The following MS4A4A variants were observed in gnomAD, a reference collection of about 807,000 sequenced individuals.
MS4A4A encodes the protein membrane-spanning 4-domains subfamily A member 4A.
MS4A4A carries 26 observed loss-of-function variants against 28.0 expected under a neutral mutation model. The observed-to-expected ratio is 0.93, with a 90% confidence interval of 0.68 to 1.29. The LOEUF (loss-of-function observed/expected upper bound fraction) is 1.29. MS4A4A is among the 50% of genes most tolerant of loss of function. The pLI, the probability that MS4A4A is intolerant of heterozygous loss-of-function variation, is 0.00. For missense variants in MS4A4A, 290 were observed against 293.1 expected (o/e 0.99, Z 0.08); for synonymous variants, 86 against 100.8 (o/e 0.85, Z 0.88).
intron 2 of MS4A4A, among the ~76,000 whole-genome samples, chr11:60,296,359 TCTTAGGCTGGCTAGAGG>T (rs1260132780): frequency 6.6e-6 from 1 of 152,056 alleles, no homozygotes; most frequent in Non-Finnish European, 1.5e-5. Flanking sequence ...TCTCTCTTTT[TCTTAGGCTGGCTAGAGG>T]CTTTTTAAAT....
In MS4A4A at chr11:60,292,401, G is replaced by A. The variant is rs112343102; in HGVS notation, c.201+17G>A. 6.7e-3 allele frequency: 10,648 copies of A among 1,580,168 alleles called. 600 individuals are homozygous for A. The African/African-American group carries it at 0.12, about 19-fold the overall frequency. On this transcript the variant is annotated intron_variant, in intron 2 of 6. Coordinates refer to ENST00000337908, the MANE Select transcript of MS4A4A (RefSeq NM_148975.3). Reference sequence around the variant, plus strand: ...GTCCTTGGGGTAAGTTGCAAATCTAGGGGAAGACCAATGGTGTTGCAAACT... The same window carrying A: ...GTCCTTGGGGTAAGTTGCAAATCTAAGGGAAGACCAATGGTGTTGCAAACT...
At chr11:60,308,033 C>T (rs571260753) in intron 6 of MS4A4A, 74 bp from the exon 7 acceptor site, 1 of 1,284,984 alleles carries the variant, frequency 7.8e-7, no homozygotes, top group East Asian at 2.3e-5. Flanking sequence ...ATAATGATGA[C>T]TTTATGTGGG....
rs1246082734 is a variant in MS4A4A at position 60,292,217 on chromosome 11, T to C, written c.42-8T>C. ...GGACATCATACTAAATTACATTTCTTATTGTAGCACCTTTTCTGCTGCCAT... is the reference window on the plus strand; with the variant it reads ...GGACATCATACTAAATTACATTTCTCATTGTAGCACCTTTTCTGCTGCCAT... On this transcript the variant is annotated splice_polypyrimidine_tract_variant and splice_region_variant and intron_variant, in intron 1 of 6. Coordinates refer to ENST00000337908, the MANE Select transcript of MS4A4A (RefSeq NM_148975.3). The C allele has an allele frequency of 7.8e-6, 12 of 1,531,714 alleles. No homozygotes were observed. Among genetic ancestry groups the C allele is most frequent in the Non-Finnish European group, 1.0e-5 (12 of 1,144,144 alleles). The allele number at this position is 1,531,714 out of a possible 1,614,324, so 94.9% of individuals were successfully genotyped here. A position where few individuals can be genotyped will look rare whatever the true frequency, so the allele number is the denominator to read the frequency against.
intron 5 of MS4A4A, among the ~76,000 whole-genome samples, chr11:60,304,883 C>A (rs948710940): frequency 1.3e-5 from 2 of 152,218 alleles, no homozygotes; most frequent in Non-Finnish European, 2.9e-5. Flanking sequence ...GCTGCTCTAT[C>A]TTCTGTGCCT....
At chr11:60,281,610 T>C (rs975640287) in intron 1 of MS4A4A, among the ~76,000 whole-genome samples, 10 of 152,212 alleles carry the variant, frequency 6.6e-5, no homozygotes, top group African/African-American at 2.4e-4. Context: ...ATTTGACAAC[T>C]TTGCCAAGAA....
chr11:60,283,566 A>G (rs1055557369), intron 1 of MS4A4A, among the ~76,000 whole-genome samples: 1 of 152,128 alleles, frequency 6.6e-6, no homozygotes, highest in African/African-American at 2.4e-5. Flanking sequence ...TTGAAAGGGA[A>G]ATTTTGAGGA....
intron 5 of MS4A4A, among the ~76,000 whole-genome samples, chr11:60,304,739 T>C (rs1856443440): frequency 6.6e-6 from 1 of 152,240 alleles, no homozygotes; most frequent in Non-Finnish European, 1.5e-5. Context: ...GGTTTGAGTA[T>C]GTGTGACAGA....
Position 60,299,622 on chromosome 11 carries a change from G to A in MS4A4A, c.331-1379G>A, listed in dbSNP as rs113811729. 8.1e-3 allele frequency among the ~76,000 whole-genome samples: 1,228 copies of A among 151,808 alleles called. 16 individuals are homozygous for A. The highest frequency in any genetic ancestry group is 0.027 in the African/African-American group (1,137 of 41,396). On this transcript the variant is annotated intron_variant, in intron 3 of 6. Transcript: ENST00000337908. ...CAAGTAGCTGGAACTACAGGCACCC[G>A]CCACCACACCCGGCTAATTTTTTTG...
At chr11:60,292,674 A>AC (rs557615025) in intron 2 of MS4A4A, among the ~76,000 whole-genome samples, 50 of 152,272 alleles carry the variant, frequency 3.3e-4, no homozygotes, top group African/African-American at 1.2e-3. Context: ...ATAAAAGGCC[A>AC]CCTATGCACT....
chr11:60,300,209 T>C (rs370927337), intron 3 of MS4A4A, among the ~76,000 whole-genome samples: 2 of 152,234 alleles, frequency 1.3e-5, no homozygotes, highest in East Asian at 3.8e-4. Context: ...ACTTGACTAG[T>C]TATTTTAGCT....
chr11:60,299,982 G>A (rs181692611), intron 3 of MS4A4A, among the ~76,000 whole-genome samples: 1 of 152,222 alleles, frequency 6.6e-6, no homozygotes, highest in African/African-American at 2.4e-5. Flanking sequence ...ATCATATGAT[G>A]GGTGATTCCC....
chr11:60,290,185 C>A, intron 1 of MS4A4A: 1 of 368,490 alleles, frequency 2.7e-6, no homozygotes, highest in Non-Finnish European at 5.7e-6. Flanking sequence ...CAGAACTATA[C>A]TTTTCCAGGG....
At position 60,282,865 on chromosome 11, in the gene MS4A4A, T is replaced by C; in HGVS notation, c.41+2149T>C. Reference sequence around the variant, plus strand: ...TTTAAAGGGGATGGTGACTCAATTGTTTTTGTATTTGATCATTCTGGCTAC... The same window carrying C: ...TTTAAAGGGGATGGTGACTCAATTGCTTTTGTATTTGATCATTCTGGCTAC... On this transcript the variant is annotated intron_variant, in intron 1 of 6. Coordinates refer to ENST00000337908, the MANE Select transcript of MS4A4A (RefSeq NM_148975.3). 6.0e-6 allele frequency: 4 copies of C among 662,214 alleles called. No homozygotes were observed. The South Asian group carries it at 6.3e-5, about 10-fold the overall frequency. 41.0% of individuals were successfully genotyped at this position (662,214 alleles called of 1,614,324 possible).
In MS4A4A at chr11:60,302,684, AAAT is replaced by A. The variant is rs1394232262; in HGVS notation, c.517_519del (p.Asn173del). ...CTTACTGTAACTACTATGGCAACTC[AAAT>A]AATTGTCATGGGACTATGTCCATCT... On this transcript the variant is annotated inframe_deletion, in exon 5 of 7. Transcript: ENST00000337908. The A allele has an allele frequency of 6.2e-7, 1 of 1,613,676 alleles. No individual in the cohort carries two copies. The highest frequency in any genetic ancestry group is 1.7e-5 in the Admixed American group (1 of 60,004).
chr11:60,292,360 G>C lies in MS4A4A; in HGVS notation c.177G>C (p.Leu59Phe). ...GGAAAGGATTGCAAGAGAAGTTCTT[G>C]AAGGGAGAACCCAAAGTCCTTGGGG... is the stretch of plus-strand genomic sequence containing the variant. ...HLWKGLQEKF[L>F]KGEPKVLGVV... Residue 59 changes from leucine (L) to phenylalanine (F), a missense_variant, in exon 2 of 7, where the codon TTG (leucine) becomes TTC (phenylalanine). By Grantham distance (22) the Leu-to-Phe change is conservative (BLOSUM62 0). Transcript: ENST00000337908. The C allele has an allele frequency of 1.2e-6, 2 of 1,602,018 alleles. No individual in the cohort carries two copies. Among genetic ancestry groups the C allele is most frequent in the Non-Finnish European group, 8.5e-7 (1 of 1,175,462 alleles).
chr11:60,298,507 A>G (rs1259517657), intron 3 of MS4A4A, among the ~76,000 whole-genome samples: 2 of 152,212 alleles, frequency 1.3e-5, no homozygotes, highest in African/African-American at 4.8e-5. Flanking sequence ...GTGCAATTTC[A>G]TTTCAAACAA....
intron 5 of MS4A4A, chr11:60,305,823 C>G (rs993182934): frequency 2.7e-6 from 1 of 371,774 alleles, no homozygotes; most frequent in African/African-American, 2.1e-5. Context: ...CTTTATACTA[C>G]CTTCCTAACT....
chr11:60,297,519 A>T (rs1232230731), intron 3 of MS4A4A, among the ~76,000 whole-genome samples, 194 bp downstream of exon 3: 1 of 152,204 alleles, frequency 6.6e-6, no homozygotes, highest in Non-Finnish European at 1.5e-5. Context: ...TAGGCAGATT[A>T]AATATTTATA....
chr11:60,289,595 ATGTGTGTGTG>A (rs34230139), intron 1 of MS4A4A, among the ~76,000 whole-genome samples: 1 of 128,060 alleles, frequency 7.8e-6, no homozygotes, highest in African/African-American at 3.2e-5. Flanking sequence ...GTGTGTGTGT[ATGTGTGTGTG>A]TGTGTGTGTG....
Sources: gnomAD v4.1 joint callset for allele counts (sites outside exome capture counted in the v4.1 genomes callset) on GRCh38, gnomAD v4.1.1 for gene constraint, MANE v1.5 for transcripts, NCBI Gene and HGNC (gene_info 2026-07-23, HGNC 2026-07-21) for gene names.